Variants in LZTFL1 observed in about 807,000 individuals in gnomAD.
LZTFL1 encodes the protein leucine zipper transcription factor like 1.
LZTFL1 carries 25 observed loss-of-function variants against 45.9 expected under a neutral mutation model. The observed-to-expected ratio is 0.54, with a 90% CI of 0.40 to 0.76. The LOEUF (loss-of-function observed/expected upper bound fraction) is 0.76, where lower values mean the gene tolerates loss of function less well. Ranked by LOEUF, LZTFL1 falls within the 30% of genes least tolerant of loss-of-function variation. LZTFL1 has a pLI of 0.00. For synonymous variants in LZTFL1, 93 were observed against 117.4 expected (o/e 0.79, Z 1.35); for missense variants, 277 against 331.1 (o/e 0.84, Z 1.27).
At chr3:45,853,374 G>A (rs1312068064) in intron 4 of LZTFL1, among the ~76,000 whole-genome samples, 1 of 152,056 alleles carries the variant, frequency 6.6e-6, no homozygotes, top group Non-Finnish European at 1.5e-5. Flanking sequence ...TTTTTTTGGG[G>A]CAAGGTGCAT....
intron 4 of LZTFL1, 105 bp from the exon 5 acceptor site, chr3:45,833,226 T>A: frequency 2.6e-6 from 2 of 757,424 alleles, no homozygotes; most frequent in Non-Finnish European, 4.6e-6. Context: ...TATAAACATA[T>A]TCACTGCGAT....
intron 2 of LZTFL1, among the ~76,000 whole-genome samples, chr3:45,875,362 A>G (rs1042906136): frequency 2.0e-5 from 3 of 152,228 alleles, no homozygotes; most frequent in Admixed American, 2.0e-4. Context: ...GTGTGTTGCT[A>G]TATATCAGGA....
intron 2 of LZTFL1, among the ~76,000 whole-genome samples, chr3:45,864,181 A>G (rs183794102): frequency 6.6e-6 from 1 of 152,260 alleles, no homozygotes; most frequent in East Asian, 1.9e-4. Context: ...ATAAATTGCT[A>G]TCAAATTACT....
At chr3:45,912,942 TA>T (rs1398260130) in intron 2 of LZTFL1, among the ~76,000 whole-genome samples, 1 of 152,224 alleles carries the variant, frequency 6.6e-6, no homozygotes, top group Non-Finnish European at 1.5e-5. Context: ...ACAATCATAA[TA>T]AAGGTCTGAA....
At chr3:45,856,750 G>T (rs759056134) in intron 3 of LZTFL1, among the ~76,000 whole-genome samples, 1 of 152,162 alleles carries the variant, frequency 6.6e-6, no homozygotes, top group Non-Finnish European at 1.5e-5. Context: ...AGACATTTAT[G>T]CAGCCAACAA....
Position 45,835,726 on chromosome 3 carries a change from C to T in LZTFL1, c.187G>A (p.Ala63Thr). The T allele has an allele frequency of 6.2e-7, 1 of 1,614,150 alleles. No homozygotes were observed. Among genetic ancestry groups the T allele is most frequent in the East Asian group, 2.2e-5 (1 of 44,884 alleles). ...GATTCCACCTCACTATGAACCACAG[C>T]TTGTAATCCATTGAGGACTTCAGAG... ...EVSEVLNGLQ[A>T]VVHSEVESEL... Residue 63 changes from alanine to threonine, a missense_variant, in exon 3 of 10, where the codon GCT (alanine) becomes ACT (threonine). Transcript: ENST00000296135.
chr3:45,887,259 G>T (rs1240690340), intron 2 of LZTFL1, among the ~76,000 whole-genome samples: 2 of 149,754 alleles, frequency 1.3e-5, no homozygotes, highest in Non-Finnish European at 2.9e-5. Context: ...GTCTGTGTGT[G>T]TGTGTGTGTG....
chr3:45,853,694 C>G lies in LZTFL1; in HGVS notation c.-49+1292G>C, dbSNP rs528282294. ...ATTTTTCTTTTTGGCTCTATATCTT[C>G]ATTTTCTTCCCTTTTCTTTGATCCT... is the stretch of plus-strand genomic sequence containing the variant. On this transcript the variant is annotated intron_variant, in intron 4 of 4. Transcript: ENST00000472635. 3.3e-5 allele frequency among the ~76,000 whole-genome samples: 5 copies of G among 152,302 alleles called. No individual in the cohort carries two copies. In the South Asian group the frequency reaches 8.3e-4, roughly 25 times the overall value.
chr3:45,842,023 C>A lies in LZTFL1; in HGVS notation c.-32G>T. ...AGGCAGCGGCGGCAGCCTAAAGGAA[C>A]GGGAGAGGCCAGGCGGTGCCCCGCC... On this transcript the variant is annotated 5_prime_UTR_variant, in exon 1 of 10. Coordinates refer to ENST00000296135, the MANE Select transcript of LZTFL1 (RefSeq NM_020347.4). 1.9e-6 allele frequency: 3 copies of A among 1,606,506 alleles called. No individual in the cohort carries two copies. Among genetic ancestry groups the A allele is most frequent in the South Asian group, 2.2e-5 (2 of 90,462 alleles).
intron 2 of LZTFL1, among the ~76,000 whole-genome samples, chr3:45,867,287 T>C (rs546544466): frequency 6.6e-6 from 1 of 152,264 alleles, no homozygotes; most frequent in South Asian, 2.1e-4. Flanking sequence ...CTCAAGGTGT[T>C]GTTAAAATTT....
At chr3:45,829,040 T>C (rs1229105524) in intron 7 of LZTFL1, among the ~76,000 whole-genome samples, 1 of 152,208 alleles carries the variant, frequency 6.6e-6, no homozygotes, top group African/African-American at 2.4e-5. Flanking sequence ...AAAAACTTAA[T>C]AGACATATGT....
rs751017015 is a variant in LZTFL1, at chr3:45,842,038, G to T, written c.-47C>A. 8.1e-6 allele frequency: 13 copies of T among 1,601,886 alleles called. No homozygotes were observed. The highest frequency in any genetic ancestry group is 1.1e-5 in the Non-Finnish European group (13 of 1,176,458). On this transcript the variant is annotated 5_prime_UTR_variant, in exon 1 of 10. Transcript: ENST00000296135. ...CCTAAAGGAACGGGAGAGGCCAGGC[G>T]GTGCCCCGCCAAGCCTGGGATCGCC...
At chr3:45,912,118 C>A (rs1702805793) in intron 2 of LZTFL1, among the ~76,000 whole-genome samples, 1 of 152,250 alleles carries the variant, frequency 6.6e-6, no homozygotes, top group Non-Finnish European at 1.5e-5. Flanking sequence ...CCGTCATATA[C>A]TGCTTCAATC....
At chr3:45,896,082 C>T (rs1702347345) in intron 2 of LZTFL1, among the ~76,000 whole-genome samples, 1 of 152,174 alleles carries the variant, frequency 6.6e-6, no homozygotes, top group Non-Finnish European at 1.5e-5. Flanking sequence ...CACCTATATC[C>T]ATAACAACAA....
intron 2 of LZTFL1, among the ~76,000 whole-genome samples, chr3:45,859,816 T>C (rs767669291): frequency 1.1e-4 from 16 of 152,090 alleles, no homozygotes; most frequent in Admixed American, 2.0e-4. Context: ...TTTATATTTT[T>C]AGTAGAGACA....
rs1285088304 is a variant in LZTFL1 at position 45,825,540 on chromosome 3, AT to A, written c.*773del. On this transcript the variant is annotated 3_prime_UTR_variant, in exon 10 of 10. Coordinates refer to ENST00000296135, the MANE Select transcript of LZTFL1 (RefSeq NM_020347.4). ...TATTGAACATAAAATGTAAAATAAC[AT>A]TCTGGAAACAAGTATAAATATTACA... The A allele has an allele frequency of 3.9e-5, 6 of 152,240 alleles. No individual in the cohort carries two copies. Among genetic ancestry groups the A allele is most frequent in the Admixed American group, 1.3e-4 (2 of 15,288 alleles). The allele number at this position is 152,240 out of a possible 1,614,324, so 9.4% of individuals were successfully genotyped here. A position where few individuals can be genotyped will look rare whatever the true frequency, so the allele number is the denominator to read the frequency against.
intron 4 of LZTFL1, among the ~76,000 whole-genome samples, chr3:45,852,585 C>T (rs1325015391): frequency 6.6e-6 from 1 of 152,006 alleles, no homozygotes; most frequent in Non-Finnish European, 1.5e-5. Context: ...TAGTAAGATC[C>T]CATTTTTATA....
chr3:45,886,175 T>C (rs1458528218), intron 2 of LZTFL1, among the ~76,000 whole-genome samples: 1 of 152,196 alleles, frequency 6.6e-6, no homozygotes, highest in Non-Finnish European at 1.5e-5. Flanking sequence ...GGTGGTAATC[T>C]GATACAGGCC....
chr3:45,889,172 A>G (rs1559420813), intron 2 of LZTFL1, among the ~76,000 whole-genome samples: 3 of 152,006 alleles, frequency 2.0e-5, no homozygotes, highest in African/African-American at 7.3e-5. Context: ...TTTTGTAGAG[A>G]TGGGGTCTTG....
Sources: gnomAD v4.1 joint callset for allele counts (sites outside exome capture counted in the v4.1 genomes callset) on GRCh38, gnomAD v4.1.1 for gene constraint, MANE v1.5 for transcripts, NCBI Gene and HGNC (gene_info 2026-07-23, HGNC 2026-07-21) for gene names.